Variants in CFAP299 observed in about 807,000 individuals in gnomAD.
CFAP299 encodes cilia- and flagella-associated protein 299.
In CFAP299, 21 loss-of-function variants were observed where a neutral mutation model predicts 27.0. The observed-to-expected ratio is 0.78, with a 90% CI of 0.55 to 1.12. The LOEUF (loss-of-function observed/expected upper bound fraction) is 1.12. Among genes scored for constraint, CFAP299 ranks in the 50% most tolerant of loss-of-function variants. CFAP299 has a pLI of 0.00. For synonymous variants in CFAP299, 104 were observed against 98.1 expected (o/e 1.06, Z -0.36); for missense variants, 310 against 276.6 (o/e 1.12, Z -0.86).
chr4:80,614,697 A>G (rs980646140), intron 3 of CFAP299, among the ~76,000 whole-genome samples: 1 of 151,906 alleles, frequency 6.6e-6, no homozygotes, highest in Non-Finnish European at 1.5e-5. Context: ...TTAAGTACTA[A>G]CAATTGCTTG....
chr4:80,597,982 C>T (rs1331849668), intron 3 of CFAP299, among the ~76,000 whole-genome samples: 2 of 152,180 alleles, frequency 1.3e-5, no homozygotes, highest in African/African-American at 2.4e-5. Context: ...CCGCCGTACC[C>T]GTTCTGCAAT....
intron 1 of CFAP299, among the ~76,000 whole-genome samples, chr4:80,348,540 C>T (rs1722860127): frequency 6.6e-6 from 1 of 152,194 alleles, no homozygotes; most frequent in African/African-American, 2.4e-5. Context: ...AAAAGCTCAA[C>T]ATCACTGATC....
intron 2 of CFAP299, among the ~76,000 whole-genome samples, chr4:80,382,235 G>C (rs1279484107): frequency 6.6e-6 from 1 of 152,118 alleles, no homozygotes; most frequent in Non-Finnish European, 1.5e-5. Flanking sequence ...ATACCATTCT[G>C]GACATAAAAT....
At chr4:80,700,680 G>A (rs985138533) in intron 3 of CFAP299, among the ~76,000 whole-genome samples, 4 of 151,962 alleles carry the variant, frequency 2.6e-5, no homozygotes, top group African/African-American at 9.7e-5. Flanking sequence ...TGAGACTATG[G>A]GGATAGGATG....
At chr4:80,749,998 T>C (rs2110070203) in intron 3 of CFAP299, among the ~76,000 whole-genome samples, 1 of 152,358 alleles carries the variant, frequency 6.6e-6, no homozygotes, top group East Asian at 1.9e-4. Flanking sequence ...TTAGCAATTA[T>C]TAAAGTAAAG....
intron 2 of CFAP299, among the ~76,000 whole-genome samples, chr4:80,455,752 G>A (rs1023073019): frequency 6.6e-6 from 1 of 151,962 alleles, no homozygotes; most frequent in African/African-American, 2.4e-5. Context: ...TAAGAATTTT[G>A]GCAGTCACCA....
intron 2 of CFAP299, among the ~76,000 whole-genome samples, chr4:80,494,286 T>A (rs535904625): frequency 5.9e-5 from 9 of 152,356 alleles, no homozygotes; most frequent in African/African-American, 1.7e-4. Flanking sequence ...TTATCCTCAC[T>A]ATCTTCCCAC....
At chr4:80,771,898 T>C (rs957630533) in intron 3 of CFAP299, among the ~76,000 whole-genome samples, 5 of 152,154 alleles carry the variant, frequency 3.3e-5, no homozygotes, top group African/African-American at 9.7e-5. Flanking sequence ...TGCAAAGCAG[T>C]CTGTGAATGT....
chr4:80,736,723 A>T (rs1466115103), intron 3 of CFAP299, among the ~76,000 whole-genome samples: 3 of 152,188 alleles, frequency 2.0e-5, no homozygotes, highest in Admixed American at 6.5e-5. Flanking sequence ...TGGGACTGTA[A>T]ACTAGTTCAA....
chr4:80,609,971 C>A (rs1041454344), intron 3 of CFAP299, among the ~76,000 whole-genome samples: 1 of 151,966 alleles, frequency 6.6e-6, no homozygotes, highest in Non-Finnish European at 1.5e-5. Context: ...TATCCTTATC[C>A]AGATTATATC....
intron 3 of CFAP299, among the ~76,000 whole-genome samples, chr4:80,788,883 T>G (rs1269534598): frequency 1.3e-5 from 2 of 152,046 alleles, no homozygotes; most frequent in East Asian, 3.9e-4. Context: ...AATATGTTTT[T>G]GGGTTTTCAA....
At chr4:80,780,543 G>C (rs1726812185) in intron 3 of CFAP299, among the ~76,000 whole-genome samples, 1 of 151,996 alleles carries the variant, frequency 6.6e-6, no homozygotes, top group Non-Finnish European at 1.5e-5. Flanking sequence ...TATTTAAGAA[G>C]AACAACTTTT....
intron 3 of CFAP299, among the ~76,000 whole-genome samples, chr4:80,799,514 AT>A (rs1203277450): frequency 1.2e-5 from 1 of 85,648 alleles, no homozygotes; most frequent in Non-Finnish European, 2.0e-5. Context: ...ATAAATGTAT[AT>A]TTATATAATA....
chr4:80,340,238 G>A (rs986337267), intron 1 of CFAP299, among the ~76,000 whole-genome samples: 29 of 152,206 alleles, frequency 1.9e-4, no homozygotes, highest in African/African-American at 6.8e-4. Flanking sequence ...AAAGGAAGCT[G>A]TGAGTGATTG....
chr4:80,438,303 G>A (rs1728190821), intron 2 of CFAP299, among the ~76,000 whole-genome samples: 1 of 152,168 alleles, frequency 6.6e-6, no homozygotes, highest in Non-Finnish European at 1.5e-5. Flanking sequence ...TCTAGGAAAA[G>A]CCTTCAGTAA....
At chr4:80,581,564 G>C (rs897329144) in intron 2 of CFAP299, among the ~76,000 whole-genome samples, 18 of 147,200 alleles carry the variant, frequency 1.2e-4, no homozygotes, top group East Asian at 2.0e-4. Context: ...TACATTTCTA[G>C]ATCAATAACA....
chr4:80,834,102 G>T (rs189043992), intron 3 of CFAP299, among the ~76,000 whole-genome samples: 23 of 152,266 alleles, frequency 1.5e-4, no homozygotes, highest in African/African-American at 5.3e-4. Flanking sequence ...GTGGAGGAGG[G>T]GATGTGTTTT....
intron 3 of CFAP299, among the ~76,000 whole-genome samples, chr4:80,775,313 T>C (rs1726471797): frequency 6.6e-6 from 1 of 152,004 alleles, no homozygotes. Context: ...CATGGTGGAA[T>C]TACTGGCAAA....
rs1737996454 is a variant in CFAP299 at position 80,955,033 on chromosome 4, AACG to A, written c.607-8483_607-8481del. On this transcript the variant is annotated intron_variant, in intron 5 of 5. Coordinates refer to ENST00000358105, the MANE Select transcript of CFAP299 (RefSeq NM_152770.3). ...AAAAAAAAAAAAAAAAAAAAAAAAA[AACG>A]CACACATGGCCATATACAGAGTAGT... is the stretch of plus-strand genomic sequence containing the variant. 4.3e-4 allele frequency among the ~76,000 whole-genome samples: 9 copies of A among 20,844 alleles called. 3 individuals carry two copies. The highest frequency in any genetic ancestry group is 2.8e-3 in the East Asian group (2 of 704). 13.7% of individuals were successfully genotyped at this position (20,844 alleles called of 152,430 possible). A position where few individuals can be genotyped will look rare whatever the true frequency, so the allele number is the denominator to read the frequency against.
Sources: gnomAD v4.1 joint callset for allele counts (sites outside exome capture counted in the v4.1 genomes callset) on GRCh38, gnomAD v4.1.1 for gene constraint, MANE v1.5 for transcripts, NCBI Gene and HGNC (gene_info 2026-07-23, HGNC 2026-07-21) for gene names.